LARP4B: variants seen among roughly 807,000 people sequenced by gnomAD.
LARP4B encodes La ribonucleoprotein 4B.
LARP4B carries 12 observed loss-of-function variants against 89.8 expected under a neutral mutation model. The observed-to-expected ratio is 0.13, with a 90% CI of 0.09 to 0.22. The LOEUF is 0.22. Ranked by LOEUF, LARP4B falls within the 10% of genes least tolerant of loss-of-function variation. The pLI, the probability that LARP4B is intolerant of heterozygous loss-of-function variation, is 1.00. For synonymous variants in LARP4B, 367 were observed against 363.3 expected, an observed-to-expected ratio of 1.01 and a Z score of -0.12; for missense variants, 757 against 947.7, an observed-to-expected ratio of 0.80 and a Z score of 2.64.
chr10:963,148 G>A, the LARP4B span, among the ~76,000 whole-genome samples: 1 of 152,106 alleles, frequency 6.6e-6, no homozygotes, highest in Non-Finnish European at 1.5e-5. Flanking sequence ...TACCATGGTA[G>A]TCCAGGCCTT....
chr10:864,038 C>T (rs1834764186), intron 4 of LARP4B, 85 bp downstream of exon 4: 2 of 1,579,618 alleles, frequency 1.3e-6, no homozygotes, highest in Non-Finnish European at 1.7e-6. Flanking sequence ...TATGAATGAA[C>T]AACATCTTAA....
the LARP4B span, among the ~76,000 whole-genome samples, chr10:963,595 CA>C: frequency 6.6e-6 from 1 of 152,290 alleles, no homozygotes; most frequent in East Asian, 1.9e-4. Context: ...CAGGAGTTTA[CA>C]AATTCAACCT....
intron 1 of LARP4B, among the ~76,000 whole-genome samples, chr10:888,237 T>A (rs932395538): frequency 1.3e-5 from 2 of 151,774 alleles, no homozygotes; most frequent in South Asian, 4.2e-4. Flanking sequence ...CTAGAATTGT[T>A]TGAACTTGAG....
intron 5 of LARP4B, among the ~76,000 whole-genome samples, chr10:861,481 C>G (rs552513282): frequency 1.3e-5 from 2 of 151,764 alleles, no homozygotes; most frequent in African/African-American, 4.8e-5. Flanking sequence ...GAAGACAAAG[C>G]AGAAGGTATT....
intron 1 of LARP4B, among the ~76,000 whole-genome samples, chr10:907,427 CATTTT>C (rs969055751): frequency 2.6e-5 from 4 of 152,192 alleles, no homozygotes; most frequent in East Asian, 1.9e-4. Flanking sequence ...TTTTCATTTT[CATTTT>C]ATTTTATTCT....
chr10:876,721 T>TA (rs1835467223), intron 3 of LARP4B, among the ~76,000 whole-genome samples: 1 of 78,382 alleles, frequency 1.3e-5, no homozygotes, highest in African/African-American at 5.1e-5. Flanking sequence ...CCCATGACTC[T>TA]ACTAGGCAAT....
intron 11 of LARP4B, among the ~76,000 whole-genome samples, 171 bp from the exon 12 acceptor site, chr10:826,041 A>C (rs1338272847): frequency 3.3e-5 from 5 of 152,256 alleles, no homozygotes; most frequent in Admixed American, 6.5e-5. Flanking sequence ...GTTTAGAAGT[A>C]GGCTGGAGCT....
At chr10:979,753 C>T in the LARP4B span, among the ~76,000 whole-genome samples, 3 of 152,056 alleles carry the variant, frequency 2.0e-5, no homozygotes, top group Non-Finnish European at 4.4e-5. Context: ...GGGTGGATCA[C>T]GAGGTCAGGA....
At chr10:974,239 C>A in the LARP4B span, among the ~76,000 whole-genome samples, 3 of 152,064 alleles carry the variant, frequency 2.0e-5, no homozygotes, top group African/African-American at 7.2e-5. Context: ...AGGAGTGACT[C>A]AGCAGGTGCT....
chr10:944,312 G>C, the LARP4B span, among the ~76,000 whole-genome samples: 1 of 152,136 alleles, frequency 6.6e-6, no homozygotes, highest in African/African-American at 2.4e-5. Context: ...CCTGTTTCCT[G>C]GGAAGGTAGT....
chr10:954,849 G>C, the LARP4B span, among the ~76,000 whole-genome samples: 31 of 9,204 alleles, frequency 3.4e-3, 1 homozygote, highest in African/African-American at 9.8e-3. The surrounding 1 kb of genome is among the most constrained non-coding windows in gnomAD (Gnocchi z 5.0). Flanking sequence ...TCCCATCCAC[G>C]CTTCCCCAGG....
intron 11 of LARP4B, 151 bp downstream of exon 11, chr10:829,234 C>T (rs1480258178): frequency 1.5e-6 from 1 of 684,014 alleles, no homozygotes; most frequent in African/African-American, 1.8e-5. Flanking sequence ...CTGTTCTCAG[C>T]TACATTTAAA....
At chr10:952,550 G>A in the LARP4B span, among the ~76,000 whole-genome samples, 3 of 96,534 alleles carry the variant, frequency 3.1e-5, no homozygotes, top group Non-Finnish European at 2.0e-5. Context: ...AGAACCAACT[G>A]CATAAAAGAC....
the LARP4B span, among the ~76,000 whole-genome samples, chr10:954,431 A>T: frequency 6.6e-6 from 1 of 152,264 alleles, no homozygotes; most frequent in African/African-American, 2.4e-5. The surrounding 1 kb of genome is among the most constrained non-coding windows in gnomAD (Gnocchi z 5.0). Context: ...GCAGTGGTGA[A>T]TGTGATGGAA....
At chr10:925,921 C>T (rs189392494) in intron 1 of LARP4B, among the ~76,000 whole-genome samples, 70 of 152,302 alleles carry the variant, frequency 4.6e-4, no homozygotes, top group Admixed American at 9.2e-4. Context: ...ACTTTATGCG[C>T]TAAATGTAGC....
At chr10:875,196 T>G (rs1835408372) in intron 3 of LARP4B, among the ~76,000 whole-genome samples, 1 of 152,228 alleles carries the variant, frequency 6.6e-6, no homozygotes, top group South Asian at 2.1e-4. Flanking sequence ...CGAGATCACC[T>G]GCCTGGCTTT....
At chr10:872,279 C>T (rs1377530976) in intron 3 of LARP4B, among the ~76,000 whole-genome samples, 2 of 152,230 alleles carry the variant, frequency 1.3e-5, no homozygotes, top group Non-Finnish European at 2.9e-5. Context: ...ACTGCATTCC[C>T]CTGTCCTTTC....
chr10:870,052 G>A, intron 3 of LARP4B: 8 of 985,500 alleles, frequency 8.1e-6, no homozygotes, highest in African/African-American at 1.7e-5. Flanking sequence ...AAACAACACC[G>A]TCCTCTGACA....
chr10:843,766 T>TAAAAAAAAAAA, intron 6 of LARP4B, among the ~76,000 whole-genome samples: 1 of 151,686 alleles, frequency 6.6e-6, no homozygotes, highest in Non-Finnish European at 1.5e-5. Flanking sequence ...AAGGAAAACA[T>TAAAAAAAAAAA]AAAAAGGCCA....
Sources: gnomAD v4.1 joint callset for allele counts (sites outside exome capture counted in the v4.1 genomes callset) on GRCh38, gnomAD v4.1.1 for gene constraint, Gnocchi (gnomAD v3.1) non-coding constraint, MANE v1.5 for transcripts, NCBI Gene and HGNC (gene_info 2026-07-23, HGNC 2026-07-21) for gene names.